Variants in AKIRIN2 observed in about 807,000 individuals in gnomAD.
AKIRIN2 encodes the protein akirin-2.
Under a neutral mutation model 29.3 loss-of-function variants are expected in AKIRIN2, and 6 were observed. The ratio of observed to expected loss-of-function variants is 0.20; its 90% confidence interval spans 0.11 to 0.40. The LOEUF (loss-of-function observed/expected upper bound fraction) is 0.40. Ranked by LOEUF, AKIRIN2 falls within the 10% of genes least tolerant of loss-of-function variation. AKIRIN2 has a pLI of 1.00. For synonymous variants in AKIRIN2, 128 were observed against 117.5 expected (o/e 1.09, Z -0.58); for missense variants, 210 against 276.1 (o/e 0.76, Z 1.70).
chr6:87,681,495 T>TA, intron 2 of AKIRIN2, 125 bp downstream of exon 2: 2 of 933,118 alleles, frequency 2.1e-6, no homozygotes, highest in Non-Finnish European at 3.1e-6. Flanking sequence ...TGTCATGCAT[T>TA]ACTTGTATAA....
At chr6:87,681,526 G>A in intron 2 of AKIRIN2, 94 bp downstream of exon 2, 2 of 1,235,190 alleles carry the variant, frequency 1.6e-6, no homozygotes, top group South Asian at 1.6e-5. Context: ...AAAACTCAGA[G>A]GAGATACAGT....
At chr6:87,678,937 A>G (rs1771071783) in intron 2 of AKIRIN2, among the ~76,000 whole-genome samples, 1 of 152,076 alleles carries the variant, frequency 6.6e-6, no homozygotes, top group Non-Finnish European at 1.5e-5. Context: ...GAAGTTCAAG[A>G]CCAGCCTGAC....
At chr6:87,690,059 A>G (rs921689240) in intron 1 of AKIRIN2, among the ~76,000 whole-genome samples, 1 of 152,078 alleles carries the variant, frequency 6.6e-6, no homozygotes, top group Admixed American at 6.6e-5. Context: ...AAAACTACAA[A>G]AAAATTAGCT....
At chr6:87,682,281 T>C (rs1363654707) in intron 1 of AKIRIN2, among the ~76,000 whole-genome samples, 3 of 152,206 alleles carry the variant, frequency 2.0e-5, no homozygotes, top group Non-Finnish European at 2.9e-5. Context: ...AAAGTCATCA[T>C]ACATTAAATG....
At chr6:87,681,578 C>T (rs766062158) in intron 2 of AKIRIN2, 42 bp downstream of exon 2, 3 of 1,568,534 alleles carry the variant, frequency 1.9e-6, no homozygotes, top group East Asian at 2.3e-5. Flanking sequence ...ACTTTTCCCA[C>T]TCTAAATAAT....
intron 3 of AKIRIN2, 82 bp downstream of exon 3, chr6:87,677,736 A>G: frequency 6.7e-7 from 1 of 1,485,296 alleles, no homozygotes. Flanking sequence ...ACCAGTGTAT[A>G]GAAAGTGAAA....
At chr6:87,677,992 A>T in intron 2 of AKIRIN2, 25 bp from the exon 3 acceptor site, 1 of 1,599,890 alleles carries the variant, frequency 6.3e-7, no homozygotes, top group Non-Finnish European at 8.5e-7. Context: ...GACAAAAAAT[A>T]GCACCTGGTT....
In AKIRIN2 at chr6:87,701,841, AGCCGCTGCC is replaced by A. The variant is rs577897591; in HGVS notation, c.-166_-158del. The A allele has an allele frequency of 1.0e-5, 5 of 486,242 alleles. No individual in the cohort carries two copies. The South Asian group carries it at 1.5e-4, about 14-fold the overall frequency. 30.1% of individuals were successfully genotyped at this position (486,242 alleles called of 1,614,324 possible). A position where few individuals can be genotyped will look rare whatever the true frequency, so the allele number is the denominator to read the frequency against. ...GCGGAGCGCCGGCTGTGGAAAGGAG[AGCCGCTGCC>A]GCCGCTGCCTCCGCGGCAGGGGCAG... On this transcript the variant is annotated 5_prime_UTR_variant, in exon 1 of 5. Coordinates refer to ENST00000257787, the MANE Select transcript of AKIRIN2 (RefSeq NM_018064.4).
chr6:87,686,390 A>G (rs968743380), intron 1 of AKIRIN2, among the ~76,000 whole-genome samples: 2 of 152,130 alleles, frequency 1.3e-5, no homozygotes, highest in Non-Finnish European at 2.9e-5. Flanking sequence ...CAGCATCAAG[A>G]TAAGACCAAG....
chr6:87,686,029 A>AC, intron 1 of AKIRIN2, among the ~76,000 whole-genome samples: 1 of 152,226 alleles, frequency 6.6e-6, no homozygotes, highest in East Asian at 1.9e-4. Flanking sequence ...AGCCAGGCCA[A>AC]CACAGTGAAA....
rs1315218370 is a variant in AKIRIN2 at position 87,675,468 on chromosome 6, G to T, written c.*129C>A. On this transcript the variant is annotated 3_prime_UTR_variant, in exon 5 of 5. Coordinates refer to ENST00000257787, the MANE Select transcript of AKIRIN2 (RefSeq NM_018064.4). ...CAGTTGCTGCTGCCTAAGAGTGGTT[G>T]CCACTGACGAAAGCTTGAAATAACC... 1.1e-5 allele frequency: 14 copies of T among 1,305,578 alleles called. No homozygotes were observed. Among genetic ancestry groups the T allele is most frequent in the East Asian group, 2.4e-5 (1 of 41,142 alleles). The allele number at this position is 1,305,578 out of a possible 1,614,324, so 80.9% of individuals were successfully genotyped here.
At chr6:87,696,268 C>G (rs781103862) in intron 1 of AKIRIN2, among the ~76,000 whole-genome samples, 4 of 152,164 alleles carry the variant, frequency 2.6e-5, no homozygotes, top group Non-Finnish European at 5.9e-5. Context: ...TATTATTCTC[C>G]TTTACATCTC....
In AKIRIN2 at chr6:87,687,439, C is replaced by CAAAAAAAAAAAAAA. The variant is rs201472497; in HGVS notation, c.236-5690_236-5677dup. On this transcript the variant is annotated intron_variant, in intron 1 of 4. Transcript: ENST00000257787. ...GGGCAACAAGAGCAAAATTCCGTTT[C>CAAAAAAAAAAAAAA]AAAAAAAAAAAAAAAAACACACTAC... Among the ~76,000 whole-genome samples, 3 of 109,140 alleles carry CAAAAAAAAAAAAAA rather than the reference C, an allele frequency of 2.7e-5. 1 individual carries two copies. Among genetic ancestry groups the CAAAAAAAAAAAAAA allele is most frequent in the African/African-American group, 3.3e-5 (1 of 30,558 alleles). The allele number at this position is 109,140 out of a possible 152,430, so 71.6% of individuals were successfully genotyped here. A position where few individuals can be genotyped will look rare whatever the true frequency, so the allele number is the denominator to read the frequency against.
intron 1 of AKIRIN2, among the ~76,000 whole-genome samples, chr6:87,696,004 C>A (rs1212819995): frequency 6.6e-6 from 1 of 152,004 alleles, no homozygotes; most frequent in Admixed American, 6.6e-5. Flanking sequence ...CATGGTGAAA[C>A]CCCATCTCTA....
chr6:87,685,458 G>A (rs1488463861), intron 1 of AKIRIN2, among the ~76,000 whole-genome samples: 1 of 152,116 alleles, frequency 6.6e-6, no homozygotes, highest in Non-Finnish European at 1.5e-5. Context: ...ACTTAGATCT[G>A]GCCATCTCTT....
chr6:87,677,383 AAATTTT>A (rs1184977485), intron 3 of AKIRIN2, among the ~76,000 whole-genome samples: 1 of 152,228 alleles, frequency 6.6e-6, no homozygotes, highest in Admixed American at 6.5e-5. Flanking sequence ...CATACATAAT[AAATTTT>A]ATTTACTTAA....
intron 1 of AKIRIN2, among the ~76,000 whole-genome samples, chr6:87,682,189 T>G (rs772118182): frequency 3.3e-5 from 5 of 152,174 alleles, no homozygotes; most frequent in Non-Finnish European, 7.4e-5. Context: ...AAGAAGGGGC[T>G]TGGGAGATTA....
Position 87,701,478 on chromosome 6 carries a change from G to T in AKIRIN2, c.207C>A (p.Phe69Leu). ...QKYLRMEPSP[F>L]GDVSSRLTTE... ...TGGTGAGGCGGGAGGAGACGTCGCC[G>T]AAGGGGGATGGCTCCATTCGGAGAT... The change falls in exon 1 of 5, where the codon TTC becomes TTA. Residue 69 changes from phenylalanine (F) to leucine (L), a missense_variant. Physicochemically the swap from Phe to Leu is conservative, Grantham distance 22. This residue lies in a region of AKIRIN2 where 199 missense variants were observed against 236.5 expected (regional missense o/e 0.84). Transcript: ENST00000257787. 1 of 1,515,972 alleles carries T rather than the reference G, an allele frequency of 6.6e-7. No homozygotes were observed. The highest frequency in any genetic ancestry group is 8.8e-7 in the Non-Finnish European group (1 of 1,135,630). The allele number at this position is 1,515,972 out of a possible 1,614,324, so 93.9% of individuals were successfully genotyped here.
At chr6:87,689,426 C>T (rs902378438) in intron 1 of AKIRIN2, among the ~76,000 whole-genome samples, 2 of 152,102 alleles carry the variant, frequency 1.3e-5, no homozygotes, top group African/African-American at 4.8e-5. Context: ...TGCAGTGAGC[C>T]GAGACAGTGC....
Sources: allele counts gnomAD v4.1 joint callset (sites outside exome capture counted in the v4.1 genomes callset), GRCh38; gene constraint gnomAD v4.1.1; regional missense constraint gnomAD v4.1.1; transcripts MANE v1.5; gene names NCBI Gene and HGNC (gene_info 2026-07-23, HGNC 2026-07-21).